TPPP: variants seen among roughly 807,000 people sequenced by gnomAD.
TPPP encodes the protein tubulin polymerization-promoting protein.
A neutral mutation model predicts 15.5 loss-of-function variants in TPPP; 6 were observed. That is an observed-to-expected ratio of 0.39 (90% CI 0.21 to 0.77). The LOEUF is 0.77. TPPP is among the 30% of genes least tolerant of loss of function. The probability of loss-of-function intolerance (pLI) is 0.42; values close to 1 mark genes in which losing one functional copy is unlikely to be tolerated. For synonymous variants in TPPP, 146 were observed against 133.9 expected (o/e 1.09, Z -0.63); for missense variants, 269 against 307.2 (o/e 0.88, Z 0.93).
At chr5:692,243 C>G (rs1308531428) in intron 1 of TPPP, among the ~76,000 whole-genome samples, 1 of 133,072 alleles carries the variant, frequency 7.5e-6, no homozygotes, top group South Asian at 2.6e-4. Flanking sequence ...GCCTCCCAAC[C>G]ACCTATCAAA....
At chr5:665,945 C>T (rs769730869) in intron 3 of TPPP, 25 bp downstream of exon 3, 20 of 1,507,604 alleles carry the variant, frequency 1.3e-5, no homozygotes, top group African/African-American at 9.1e-5. Flanking sequence ...CTCCAGGCCC[C>T]GCCTTCCATC....
rs114815741 is a variant in TPPP at position 664,608 on chromosome 5, C to T, written c.*494G>A. ...GAAAGCAGGAAGGCCCCGTGGTGTC[C>T]GCTGCACACAGGACAGGCCTCGGGC... On this transcript the variant is annotated 3_prime_UTR_variant, in exon 4 of 4. Coordinates refer to ENST00000360578, the MANE Select transcript of TPPP (RefSeq NM_007030.3). 434 of 163,174 alleles carry T rather than the reference C, an allele frequency of 2.7e-3. 2 individuals carry two copies. The highest frequency in any genetic ancestry group is 9.9e-3 in the African/African-American group (412 of 41,752). 10.1% of individuals were successfully genotyped at this position (163,174 alleles called of 1,614,324 possible). A position where few individuals can be genotyped will look rare whatever the true frequency, so the allele number is the denominator to read the frequency against.
At position 677,478 on chromosome 5, in the gene TPPP, G is replaced by A. The variant is rs1024533962; in HGVS notation, c.311+272C>T. ...CCCCTCATAGGCCACCTCCCATGCC[G>A]AAACCCTACACACCCACGGGGCTGA... On this transcript the variant is annotated intron_variant, in intron 2 of 3. Coordinates refer to ENST00000360578, the MANE Select transcript of TPPP (RefSeq NM_007030.3). Among the ~76,000 whole-genome samples the A allele has an allele frequency of 5.3e-5, 8 of 152,124 alleles. No homozygotes were observed. In the East Asian group the frequency reaches 9.6e-4, roughly 18 times the overall value.
chr5:691,957 TC>T (rs1740886720), intron 1 of TPPP, among the ~76,000 whole-genome samples: 1 of 18,122 alleles, frequency 5.5e-5, no homozygotes. Flanking sequence ...CCCCAACCCC[TC>T]ATCAAAACAG....
intron 1 of TPPP, among the ~76,000 whole-genome samples, chr5:683,643 C>A (rs1420033725): frequency 6.6e-6 from 1 of 152,250 alleles, no homozygotes; most frequent in Non-Finnish European, 1.5e-5. Flanking sequence ...CTCACCAACC[C>A]CTTCCTTCCA....
intron 1 of TPPP, among the ~76,000 whole-genome samples, chr5:687,135 A>G: frequency 7.4e-6 from 1 of 134,960 alleles, no homozygotes; most frequent in Non-Finnish European, 1.7e-5. Flanking sequence ...AGCCACCAGA[A>G]GCTAGAAGAG....
At chr5:673,124 A>G (rs572916319) in intron 2 of TPPP, among the ~76,000 whole-genome samples, 176 of 151,962 alleles carry the variant, frequency 1.2e-3, no homozygotes, top group East Asian at 9.2e-3. Context: ...CACAAGTGAC[A>G]GTGGGCACCC....
At position 692,612 on chromosome 5, in the gene TPPP, G is replaced by A. The variant is rs1172599871; in HGVS notation, c.-5+666C>T. 3 of 983,492 alleles carry A rather than the reference G, an allele frequency of 3.1e-6. No homozygotes were observed. In the African/African-American group the frequency reaches 5.3e-5, roughly 17 times the overall value. The allele number at this position is 983,492 out of a possible 1,614,324, so 60.9% of individuals were successfully genotyped here. A position where few individuals can be genotyped will look rare whatever the true frequency, so the allele number is the denominator to read the frequency against. The stretch of plus-strand genomic sequence containing the variant: ...AAACCGCAGAATAAAGGGCTCCTCA[G>A]ATCTTCGGGCGCTGCTCCCAGGGGT... On this transcript the variant is annotated intron_variant, in intron 1 of 3. Transcript: ENST00000360578.
chr5:670,039 C>T (rs1207150891), intron 2 of TPPP, among the ~76,000 whole-genome samples: 2 of 152,222 alleles, frequency 1.3e-5, no homozygotes, highest in South Asian at 2.1e-4. Context: ...TGCTCATACA[C>T]GATGCCCTGC....
Position 686,016 on chromosome 5 carries a change from G to A in TPPP, c.-5+7262C>T, listed in dbSNP as rs192085350. ...GGATGGAGGTGCCAACAGGGCTCCC[G>A]GACTCTGCAAAGGACGCTGTGGCGG... On this transcript the variant is annotated intron_variant, in intron 1 of 3. Transcript: ENST00000360578. Among the ~76,000 whole-genome samples, 107 of 152,304 alleles carry A rather than the reference G, an allele frequency of 7.0e-4. 1 individual carries two copies. Among genetic ancestry groups the A allele is most frequent in the East Asian group, 3.5e-3 (18 of 5,190 alleles).
chr5:700,384 A>G, the TPPP span, among the ~76,000 whole-genome samples: 83 of 152,116 alleles, frequency 5.5e-4, no homozygotes, highest in African/African-American at 1.9e-3. Context: ...GAGCTAAACA[A>G]TGTATACACA....
chr5:677,808 C>G lies in TPPP; in HGVS notation c.253G>C (p.Val85Leu). The part of the protein sequence containing the change: ...NWSKLCKDCQ[V>L]IDGRNVTVTD... ...ACGGTCACGTTCCTGCCGTCGATCA[C>G]CTGGCAGTCCTTGCACAGCTTCGAC... The change falls in exon 2 of 4, where the codon GTG becomes CTG. Residue 85 changes from valine (V) to leucine (L), a missense_variant. Physicochemically the swap from Val to Leu is conservative, Grantham distance 32. Coordinates refer to ENST00000360578, the MANE Select transcript of TPPP (RefSeq NM_007030.3). 1.2e-6 allele frequency: 2 copies of G among 1,605,428 alleles called. No homozygotes were observed. Among genetic ancestry groups the G allele is most frequent in the Non-Finnish European group, 1.7e-6 (2 of 1,174,666 alleles).
chr5:665,058 C>T lies in TPPP; in HGVS notation c.*44G>A, dbSNP rs1268233718. 3.2e-6 allele frequency: 5 copies of T among 1,582,172 alleles called. No individual in the cohort carries two copies. The East Asian group carries it at 1.1e-4, about 35-fold the overall frequency. ...AATGAAGTGCGAGGTGACAGAGTCC[C>T]TGCTCTGGGGACACCGGCAGTGCCG... is the stretch of plus-strand genomic sequence containing the variant. On this transcript the variant is annotated 3_prime_UTR_variant, in exon 4 of 4. Transcript: ENST00000360578.
rs755165290 is a variant in TPPP at position 660,141 on chromosome 5, A to G, written c.*4961T>C. The G allele has an allele frequency of 2.0e-5, 3 of 152,262 alleles. No individual in the cohort carries two copies. Among genetic ancestry groups the G allele is most frequent in the Non-Finnish European group, 4.4e-5 (3 of 68,030 alleles). 9.4% of individuals were successfully genotyped at this position (152,262 alleles called of 1,614,324 possible). A position where few individuals can be genotyped will look rare whatever the true frequency, so the allele number is the denominator to read the frequency against. On this transcript the variant is annotated 3_prime_UTR_variant, in exon 4 of 4. Transcript: ENST00000360578. The stretch of plus-strand genomic sequence containing the variant: ...CCATGACGTGGACATCACCCGTCAC[A>G]CTGATAAAGTGATGCACTCAGTACT...
Position 664,553 on chromosome 5 carries a change from C to T in TPPP, c.*549G>A, listed in dbSNP as rs72707011. 0.019 allele frequency: 2,973 copies of T among 155,320 alleles called. 39 individuals are homozygous for T. Among genetic ancestry groups the T allele is most frequent in the Non-Finnish European group, 0.03 (2,099 of 70,168 alleles). The allele number at this position is 155,320 out of a possible 1,614,324, so 9.6% of individuals were successfully genotyped here. A position where few individuals can be genotyped will look rare whatever the true frequency, so the allele number is the denominator to read the frequency against. ...ATGTGCCAGGCGCCCAGCACCCCCG[C>T]CAGGTGGCCTCACTCTGCCCTCTGC... On this transcript the variant is annotated 3_prime_UTR_variant, in exon 4 of 4. Coordinates refer to ENST00000360578, the MANE Select transcript of TPPP (RefSeq NM_007030.3).
intron 2 of TPPP, among the ~76,000 whole-genome samples, chr5:671,185 G>A (rs980446736): frequency 1.3e-5 from 2 of 151,080 alleles, no homozygotes; most frequent in Non-Finnish European, 2.9e-5. Flanking sequence ...CCCTCTGGGC[G>A]CACACCCTGC....
intron 2 of TPPP, among the ~76,000 whole-genome samples, chr5:672,002 G>T (rs1397962281): frequency 6.6e-6 from 1 of 152,192 alleles, no homozygotes. Flanking sequence ...ACAGGAGGAC[G>T]TCACACACAG....
intron 2 of TPPP, chr5:676,568 G>T (rs938752618): frequency 6.6e-6 from 1 of 152,280 alleles, no homozygotes; most frequent in Non-Finnish European, 1.5e-5. Flanking sequence ...ACAGGAGGAC[G>T]CAGGTGCAAA....
intron 1 of TPPP, among the ~76,000 whole-genome samples, chr5:683,134 C>A (rs2126908941): frequency 6.6e-6 from 1 of 152,238 alleles, no homozygotes; most frequent in Non-Finnish European, 1.5e-5. Flanking sequence ...CACCCGCTGA[C>A]CCCCAGAGCT....
Sources: allele counts gnomAD v4.1 joint callset (sites outside exome capture counted in the v4.1 genomes callset), GRCh38; gene constraint gnomAD v4.1.1; transcripts MANE v1.5; gene names NCBI Gene and HGNC (gene_info 2026-07-23, HGNC 2026-07-21).